The following IGLON5 variants were observed in gnomAD, a reference collection of about 807,000 sequenced individuals.
The protein encoded by IGLON5 is IgLON family member 5, also known as Ig-like domain-containing protein ENSP00000270642.
A neutral mutation model predicts 38.2 loss-of-function variants in IGLON5; 16 were observed. The ratio of observed to expected loss-of-function variants is 0.42; its 90% confidence interval spans 0.28 to 0.64. IGLON5 has a LOEUF of 0.64. Ranked by LOEUF, IGLON5 falls within the 30% of genes least tolerant of loss-of-function variation. The pLI, the probability that IGLON5 is intolerant of heterozygous loss-of-function variation, is 0.23. For synonymous variants in IGLON5, 207 were observed against 216.4 expected, an observed-to-expected ratio of 0.96 and a Z score of 0.38; for missense variants, 366 against 483.4, an observed-to-expected ratio of 0.76 and a Z score of 2.28.
rs1426182120 is a variant in IGLON5, at chr19:51,325,697, C to T, written c.511+232C>T. The stretch of plus-strand genomic sequence containing the variant: ...GGCCTGGGCCACTGCTTCTGCGTCA[C>T]TTGCCAAACCCCAGCCTGCGTCACT... On this transcript the variant is annotated intron_variant, in intron 4 of 7. Transcript: ENST00000270642. This position sits in a 1 kb window ranked among gnomAD's most constrained non-coding sequence, Gnocchi z 5.5. Among the ~76,000 whole-genome samples the T allele has an allele frequency of 6.6e-6, 1 of 152,194 alleles. No individual in the cohort carries two copies. Among genetic ancestry groups the T allele is most frequent in the Non-Finnish European group, 1.5e-5 (1 of 68,032 alleles).
chr19:51,325,556 C>T lies in IGLON5; in HGVS notation c.511+91C>T. ...CATATCCCTAGCTAGTTTCCCCAGC[C>T]CCCTTCTCCCTGGCCCCTTGGCTTC... On this transcript the variant is annotated intron_variant, in intron 4 of 7. Transcript: ENST00000270642. This position sits in a 1 kb window ranked among gnomAD's most constrained non-coding sequence, Gnocchi z 5.5. The T allele has an allele frequency of 7.4e-7, 1 of 1,357,270 alleles. No individual in the cohort carries two copies. The highest frequency in any genetic ancestry group is 9.8e-7 in the Non-Finnish European group (1 of 1,015,452). 84.1% of individuals were successfully genotyped at this position (1,357,270 alleles called of 1,614,324 possible).
Position 51,327,257 on chromosome 19 carries a change from C to G in IGLON5, c.767+57C>G. 1 of 1,563,642 alleles carries G rather than the reference C, an allele frequency of 6.4e-7. No homozygotes were observed. ...GGGAAGGGGAGGTCTTTAGTCCCTT[C>G]GATTGTGAGGCAGGGGGACGGAGCG... On this transcript the variant is annotated intron_variant, in intron 6 of 7. Transcript: ENST00000270642. This position sits in a 1 kb window ranked among gnomAD's most constrained non-coding sequence, Gnocchi z 7.1.
intron 1 of IGLON5, among the ~76,000 whole-genome samples, chr19:51,316,355 AAAAAG>A (rs1433791915): frequency 1.3e-5 from 2 of 150,914 alleles, no homozygotes; most frequent in East Asian, 2.0e-4. Flanking sequence ...AAAAAAAAAA[AAAAAG>A]AAAAGAAACA....
At chr19:51,323,982 A>C in intron 3 of IGLON5, 88 bp downstream of exon 3, 2 of 878,350 alleles carry the variant, frequency 2.3e-6, no homozygotes, top group South Asian at 1.6e-5. Flanking sequence ...GTGTTCCCCA[A>C]CCCCAGGGAT....
rs7256949 is a variant in IGLON5, at chr19:51,324,140, G to T, written c.391+246G>T. Among the ~76,000 whole-genome samples, 2 of 152,066 alleles carry T rather than the reference G, an allele frequency of 1.3e-5. No individual in the cohort carries two copies. Among genetic ancestry groups the T allele is most frequent in the Non-Finnish European group, 2.9e-5 (2 of 68,014 alleles). ...GAGGGGGTGCTTGGGGGAAGACCAC[G>T]TTCATTTGTTCAGCCCCATTCCTGG... On this transcript the variant is annotated intron_variant, in intron 3 of 7. Coordinates refer to ENST00000270642, the MANE Select transcript of IGLON5 (RefSeq NM_001101372.3). The surrounding 1 kb of genome is among the most constrained non-coding windows in gnomAD (Gnocchi z 4.2).
rs1221426689 is a variant in IGLON5, at chr19:51,322,147, C to T, written c.158+5C>T. On this transcript the variant is annotated splice_donor_5th_base_variant and intron_variant, in intron 2 of 7. Transcript: ENST00000270642. ...AGGTGACAACGCCACCCTCAGGTACCTCCCTCGGTGGGTGGGGACTCAGAT... is the reference window on the plus strand; with the variant it reads ...AGGTGACAACGCCACCCTCAGGTACTTCCCTCGGTGGGTGGGGACTCAGAT... The T allele has an allele frequency of 3.1e-6, 5 of 1,607,728 alleles. No homozygotes were observed. Among genetic ancestry groups the T allele is most frequent in the Middle Eastern group, 1.7e-4 (1 of 6,046 alleles).
intron 2 of IGLON5, among the ~76,000 whole-genome samples, chr19:51,322,886 G>A (rs906333424): frequency 5.1e-5 from 7 of 136,436 alleles, no homozygotes; most frequent in African/African-American, 2.0e-4. Flanking sequence ...CTTTCTCTGG[G>A]TATCTGTCCC....
rs1174701821 is a variant in IGLON5, at chr19:51,329,624, CCTACCCTTGCCACCA to C, written c.*868_*882del. ...TCACCTGTCTGTTTCAGTGCTTTGCCCTACCCTTGCCACCACTCCCCTTGGCCTTGATTTCCCCAC... is the reference window on the plus strand; with the variant it reads ...TCACCTGTCTGTTTCAGTGCTTTGCCCTCCCCTTGGCCTTGATTTCCCCAC... On this transcript the variant is annotated 3_prime_UTR_variant, in exon 8 of 8. Transcript: ENST00000270642. The surrounding 1 kb of genome is among the most constrained non-coding windows in gnomAD (Gnocchi z 4.3). The C allele has an allele frequency of 2.0e-5, 3 of 152,244 alleles. No individual in the cohort carries two copies. The highest frequency in any genetic ancestry group is 4.4e-5 in the Non-Finnish European group (3 of 68,114). The allele number at this position is 152,244 out of a possible 1,614,324, so 9.4% of individuals were successfully genotyped here. A position where few individuals can be genotyped will look rare whatever the true frequency, so the allele number is the denominator to read the frequency against.
In IGLON5 at chr19:51,324,447, C is replaced by T. The variant is rs1313129618; in HGVS notation, c.391+553C>T. ...GAGAGCTCCACAGTGAGGCGAGAGG[C>T]AGAGGGCATCTGAAATGGTGGAGGG... is the stretch of plus-strand genomic sequence containing the variant. On this transcript the variant is annotated intron_variant, in intron 3 of 7. Transcript: ENST00000270642. The surrounding 1 kb of genome is among the most constrained non-coding windows in gnomAD (Gnocchi z 4.2). Among the ~76,000 whole-genome samples, 6 of 152,126 alleles carry T rather than the reference C, an allele frequency of 3.9e-5. No individual in the cohort carries two copies. The South Asian group carries it at 1.2e-3, about 31-fold the overall frequency.
intron 1 of IGLON5, among the ~76,000 whole-genome samples, chr19:51,315,751 A>C (rs1316427798): frequency 7.8e-6 from 1 of 128,130 alleles, no homozygotes; most frequent in Non-Finnish European, 1.6e-5. Context: ...GCTGGAGTGC[A>C]GTGGCACTAT....
At position 51,330,046 on chromosome 19, in the gene IGLON5, CAGACA is replaced by C. The variant is rs1985316513; in HGVS notation, c.*1288_*1292del. On this transcript the variant is annotated 3_prime_UTR_variant, in exon 8 of 8. Transcript: ENST00000270642. ...AAGTGGGGGACAGAGAGGCATCACA[CAGACA>C]TCCTGAGCCCAGACAAAGATGCCAT... is the stretch of plus-strand genomic sequence containing the variant. 2 of 152,450 alleles carry C rather than the reference CAGACA, an allele frequency of 1.3e-5. No homozygotes were observed. The highest frequency in any genetic ancestry group is 3.9e-4 in the East Asian group (2 of 5,178). 9.4% of individuals were successfully genotyped at this position (152,450 alleles called of 1,614,324 possible).
chr19:51,311,904 C>A lies in IGLON5; in HGVS notation c.57C>A (p.Ala19=). Residue 19 remains alanine (A), a synonymous_variant, in exon 1 of 8, where the codon GCC becomes GCA. Transcript: ENST00000270642. ...GGCTTCTCGCCGCCGCCGCCCTGGC[C>A]GGCTTGGCCGTCATCAGCCGAGGTA... ...RLRLLAAAAL[A]GLAVISRGLL... The A allele has an allele frequency of 2.2e-6, 3 of 1,365,664 alleles. No individual in the cohort carries two copies. Among genetic ancestry groups the A allele is most frequent in the South Asian group, 1.7e-5 (1 of 59,904 alleles). The allele number at this position is 1,365,664 out of a possible 1,614,324, so 84.6% of individuals were successfully genotyped here. A position where few individuals can be genotyped will look rare whatever the true frequency, so the allele number is the denominator to read the frequency against.
rs185395319 is a variant in IGLON5, at chr19:51,325,068, G to A, written c.392-278G>A. Among the ~76,000 whole-genome samples the A allele has an allele frequency of 1.6e-3, 239 of 152,224 alleles. 1 individual carries two copies. The highest frequency in any genetic ancestry group is 5.6e-3 in the African/African-American group (232 of 41,536). Reference sequence around the variant, plus strand: ...AGAATAGAGACAAGACCAGCAATTAGACAAGAAGATGCCAGGCCCAGACAG... The same window carrying A: ...AGAATAGAGACAAGACCAGCAATTAAACAAGAAGATGCCAGGCCCAGACAG... On this transcript the variant is annotated intron_variant, in intron 3 of 7. Transcript: ENST00000270642. This position sits in a 1 kb window ranked among gnomAD's most constrained non-coding sequence, Gnocchi z 5.5.
chr19:51,318,253 G>T (rs566759862), intron 1 of IGLON5, among the ~76,000 whole-genome samples: 79 of 152,334 alleles, frequency 5.2e-4, no homozygotes, highest in African/African-American at 1.8e-3. Flanking sequence ...ATTTCCCAAG[G>T]CCTCTGGTGG....
At position 51,323,760 on chromosome 19, in the gene IGLON5, G is replaced by A. The variant is rs762872088; in HGVS notation, c.257G>A (p.Arg86Gln). ...CGCTGGACCAGCGACCCGCGGGTGCGGCTGCTCATCAACACCCCCGAGGAG... is the reference window on the plus strand; with the variant it reads ...CGCTGGACCAGCGACCCGCGGGTGCAGCTGCTCATCAACACCCCCGAGGAG... ...NDRWTSDPRV[R>Q]LLINTPEEFS... The change falls in exon 3 of 8, where the codon CGG becomes CAG. Residue 86 changes from arginine to glutamine, a missense_variant. Physicochemically the swap from Arg to Gln is conservative, Grantham distance 43. Coordinates refer to ENST00000270642, the MANE Select transcript of IGLON5 (RefSeq NM_001101372.3). The A allele has an allele frequency of 6.4e-5, 103 of 1,613,798 alleles. No homozygotes were observed. The highest frequency in any genetic ancestry group is 1.2e-4 in the South Asian group (11 of 91,086).
intron 1 of IGLON5, among the ~76,000 whole-genome samples, chr19:51,316,441 C>T (rs752226187): frequency 2.0e-5 from 3 of 150,322 alleles, no homozygotes; most frequent in East Asian, 1.9e-4. Flanking sequence ...GTGTCGGTGA[C>T]GCTAATGCCC....
Position 51,326,917 on chromosome 19 carries a change from G to T in IGLON5, c.646+19G>T. On this transcript the variant is annotated intron_variant, in intron 5 of 7. Transcript: ENST00000270642. ...GTCAACTGTGAGCCCCCCTGGCACT[G>T]GGCACGAAAGGGTGGCGGACCCCCG... The T allele has an allele frequency of 6.4e-7, 1 of 1,570,652 alleles. No homozygotes were observed. The highest frequency in any genetic ancestry group is 1.2e-5 in the South Asian group (1 of 85,814).
chr19:51,313,105 C>A (rs1467073515), intron 1 of IGLON5, among the ~76,000 whole-genome samples: 1 of 152,192 alleles, frequency 6.6e-6, no homozygotes, highest in African/African-American at 2.4e-5. Context: ...GTCACAGCGT[C>A]CCACCCGAAG....
chr19:51,328,505 GAAAA>G (rs61422289), intron 7 of IGLON5, among the ~76,000 whole-genome samples, 162 bp from the exon 8 acceptor site: 1 of 111,136 alleles, frequency 9.0e-6, no homozygotes, highest in South Asian at 3.0e-4. Context: ...CTCAAAAAAA[GAAAA>G]AAAAAAAAAA....
Sources: allele counts gnomAD v4.1 joint callset (sites outside exome capture counted in the v4.1 genomes callset), GRCh38; gene constraint gnomAD v4.1.1; non-coding constraint Gnocchi (gnomAD v3.1); transcripts MANE v1.5; gene names NCBI Gene and HGNC (gene_info 2026-07-23, HGNC 2026-07-21).